ADCY5: variants seen among roughly 807,000 people sequenced by gnomAD.
The protein encoded by ADCY5 is adenylate cyclase type 5.
In ADCY5, 30 loss-of-function variants were observed where a neutral mutation model predicts 119.7. The ratio of observed to expected loss-of-function variants is 0.25; its 90% CI spans 0.19 to 0.34. The LOEUF is 0.34. Among genes scored for constraint, ADCY5 ranks in the 10% least tolerant of loss-of-function variants. The pLI is 1.00. For missense variants in ADCY5, 1,324 were observed against 1,775.2 expected (o/e 0.75, Z 4.57); for synonymous variants, 753 against 762.2 (o/e 0.99, Z 0.20).
chr3:123,354,393 C>G (rs1331876117), intron 1 of ADCY5, among the ~76,000 whole-genome samples: 1 of 152,132 alleles, frequency 6.6e-6, no homozygotes, highest in Admixed American at 6.5e-5. Context: ...GGGAGCCATT[C>G]AGGGCAGAGC....
At chr3:123,332,754 TTTTC>T in intron 3 of ADCY5, 79 bp from the exon 4 acceptor site, 1 of 969,478 alleles carries the variant, frequency 1.0e-6, no homozygotes, top group East Asian at 2.6e-5. Context: ...TACATCTTTT[TTTTC>T]TTTTCTTTTT....
At chr3:123,372,560 T>C (rs1943676735) in intron 1 of ADCY5, among the ~76,000 whole-genome samples, 1 of 152,136 alleles carries the variant, frequency 6.6e-6, no homozygotes, top group Non-Finnish European at 1.5e-5. Context: ...CGACACCAGA[T>C]GCTATTCCTG....
At chr3:123,330,352 C>T (rs190829087) in intron 5 of ADCY5, among the ~76,000 whole-genome samples, 46 of 152,372 alleles carry the variant, frequency 3.0e-4, no homozygotes, top group African/African-American at 1.1e-3. Flanking sequence ...CCTTCTGTGG[C>T]CAGTGATAGC....
chr3:123,387,504 A>C (rs1944260377), intron 1 of ADCY5, among the ~76,000 whole-genome samples: 1 of 152,178 alleles, frequency 6.6e-6, no homozygotes, highest in African/African-American at 2.4e-5. Context: ...TAAACTACAG[A>C]GTGCAAAGTA....
intron 1 of ADCY5, among the ~76,000 whole-genome samples, chr3:123,438,191 AG>A (rs1253656149): frequency 6.6e-6 from 1 of 152,214 alleles, no homozygotes; most frequent in African/African-American, 2.4e-5. Context: ...CCCTCCCCGC[AG>A]TAGGTTCCTT....
rs781360607 is a variant in ADCY5 at position 123,318,137 on chromosome 3, G to C, written c.2257-20C>G. On this transcript the variant is annotated intron_variant, in intron 10 of 20. Coordinates refer to ENST00000462833, the MANE Select transcript of ADCY5 (RefSeq NM_183357.3). The stretch of plus-strand genomic sequence containing the variant: ...GGAGTACTGAGAGGAGACGGGCAGG[G>C]TGAGAGGGGCCAAGGTACCTGGCCC... 2 of 1,601,362 alleles carry C rather than the reference G, an allele frequency of 1.2e-6. No individual in the cohort carries two copies. The highest frequency in any genetic ancestry group is 1.7e-6 in the Non-Finnish European group (2 of 1,170,118).
chr3:123,328,895 C>A lies in ADCY5; in HGVS notation c.1647-93G>T, dbSNP rs1222929189. ...TGCAGGTGCAGGGAAGGTGAAGGTG[C>A]GGGGGTCAAAGAGTCTTCTCTCTCC... On this transcript the variant is annotated intron_variant, in intron 5 of 20. Transcript: ENST00000462833. 7.5e-6 allele frequency: 10 copies of A among 1,327,890 alleles called. No individual in the cohort carries two copies. In the Admixed American group the frequency reaches 1.6e-4, roughly 21 times the overall value. 82.3% of individuals were successfully genotyped at this position (1,327,890 alleles called of 1,614,324 possible). A position where few individuals can be genotyped will look rare whatever the true frequency, so the allele number is the denominator to read the frequency against.
intron 1 of ADCY5, among the ~76,000 whole-genome samples, chr3:123,360,667 GTTTA>G (rs1026292756): frequency 6.6e-6 from 1 of 152,148 alleles, no homozygotes; most frequent in African/African-American, 2.4e-5. Flanking sequence ...AAAGTGTAAT[GTTTA>G]TTTAATACAA....
chr3:123,414,133 T>A (rs551251367), intron 1 of ADCY5, among the ~76,000 whole-genome samples: 78 of 152,260 alleles, frequency 5.1e-4, no homozygotes, highest in African/African-American at 1.9e-3. Flanking sequence ...CAATGAAGAA[T>A]GACTTTGGGG....
At chr3:123,370,284 A>T (rs1319227179) in intron 1 of ADCY5, among the ~76,000 whole-genome samples, 1 of 152,208 alleles carries the variant, frequency 6.6e-6, no homozygotes, top group Non-Finnish European at 1.5e-5. Flanking sequence ...CGTTTTATTT[A>T]AAAATAATAA....
At chr3:123,367,205 C>T (rs939360046) in intron 1 of ADCY5, among the ~76,000 whole-genome samples, 1 of 152,182 alleles carries the variant, frequency 6.6e-6, no homozygotes, top group East Asian at 1.9e-4. Context: ...ATCCCCGGAC[C>T]AGGCGTGGGA....
At chr3:123,312,959 G>T (rs1397717386) in intron 12 of ADCY5, among the ~76,000 whole-genome samples, 2 of 152,230 alleles carry the variant, frequency 1.3e-5, no homozygotes, top group Non-Finnish European at 2.9e-5. Context: ...GGCTGAACAT[G>T]GGGCAGGAGG....
rs778106416 is a variant in ADCY5 at position 123,367,931 on chromosome 3, G to T, written c.1135-15350C>A. On this transcript the variant is annotated intron_variant, in intron 1 of 20. Coordinates refer to ENST00000462833, the MANE Select transcript of ADCY5 (RefSeq NM_183357.3). ...TCCAACTGAGTGCGGAACCTAGATG[G>T]GGCCATGTCTTCCGTGGGACAGGCC... 27 of 1,535,882 alleles carry T rather than the reference G, an allele frequency of 1.8e-5. 1 individual carries two copies. In the South Asian group the frequency reaches 3.2e-4, roughly 18 times the overall value.
At chr3:123,365,442 G>C (rs1365340150) in intron 1 of ADCY5, among the ~76,000 whole-genome samples, 4 of 152,184 alleles carry the variant, frequency 2.6e-5, no homozygotes, top group Non-Finnish European at 5.9e-5. Flanking sequence ...AAATAGCACA[G>C]ACGAGAAGCA....
At chr3:123,446,410 C>G (rs1006012009) in intron 1 of ADCY5, among the ~76,000 whole-genome samples, 2 of 152,178 alleles carry the variant, frequency 1.3e-5, no homozygotes, top group African/African-American at 2.4e-5. Flanking sequence ...TTGCCTGTAG[C>G]AAGGGCCCAG....
At chr3:123,342,830 C>T (rs1453781174) in intron 3 of ADCY5, among the ~76,000 whole-genome samples, 3 of 152,226 alleles carry the variant, frequency 2.0e-5, no homozygotes, top group Non-Finnish European at 2.9e-5. Context: ...CTGGCTGGGG[C>T]GTTCTCTGGC....
chr3:123,343,798 G>T (rs1396307644), intron 3 of ADCY5, among the ~76,000 whole-genome samples: 2 of 152,192 alleles, frequency 1.3e-5, no homozygotes, highest in African/African-American at 4.8e-5. Flanking sequence ...AGGAGGGCTT[G>T]CAAGCCACTG....
intron 1 of ADCY5, among the ~76,000 whole-genome samples, chr3:123,388,579 C>CA (rs11438345): frequency 0.46 from 70,368 of 151,824 alleles, 18,919 homozygotes; most frequent in Non-Finnish European, 0.62. Flanking sequence ...GGAGGGTTAA[C>CA]AAAATCACAG....
intron 17 of ADCY5, among the ~76,000 whole-genome samples, chr3:123,292,386 G>A (rs985789597): frequency 2.0e-5 from 3 of 152,130 alleles, no homozygotes; most frequent in Non-Finnish European, 2.9e-5. Context: ...GAAGATCCAG[G>A]ACCCCTAGGC....
Sources: gnomAD v4.1 joint callset for allele counts (sites outside exome capture counted in the v4.1 genomes callset) on GRCh38, gnomAD v4.1.1 for gene constraint, MANE v1.5 for transcripts, NCBI Gene and HGNC (gene_info 2026-07-23, HGNC 2026-07-21) for gene names.